Variants in RBFOX1 observed in about 807,000 individuals in gnomAD.
RBFOX1 encodes the protein RNA binding fox-1 homolog 1, also known as RNA binding protein fox-1 homolog 1.
RBFOX1 carries 8 observed loss-of-function variants against 57.7 expected under a neutral mutation model. That is an observed-to-expected ratio of 0.14 (90% confidence interval 0.08 to 0.25). The LOEUF is 0.25. RBFOX1 is among the 10% of genes least tolerant of loss of function. The pLI, the probability that RBFOX1 is intolerant of heterozygous loss-of-function variation, is 1.00. For synonymous variants in RBFOX1, 326 were observed against 222.4 expected (o/e 1.47, Z -4.15); for missense variants, 611 against 548.5 (o/e 1.11, Z -1.14).
chr16:6,476,039 T>C (rs957058798), intron 2 of RBFOX1, among the ~76,000 whole-genome samples: 2 of 152,166 alleles, frequency 1.3e-5, no homozygotes, highest in African/African-American at 4.8e-5. Flanking sequence ...GAAGGTTTTA[T>C]CATCCAGCGT....
chr16:6,362,957 A>T (rs1373789876), intron 2 of RBFOX1, among the ~76,000 whole-genome samples: 1 of 152,172 alleles, frequency 6.6e-6, no homozygotes, highest in Middle Eastern at 3.2e-3. Flanking sequence ...AAAAGGTTGT[A>T]CAGCCTGCCA....
chr16:5,540,263 T>G (rs928493076), intron 2 of RBFOX1, among the ~76,000 whole-genome samples: 4 of 152,208 alleles, frequency 2.6e-5, no homozygotes, highest in Non-Finnish European at 5.9e-5. Context: ...TTGCAGGGTC[T>G]TAATAGGTAT....
At chr16:7,554,711 T>C (rs979826663) in intron 5 of RBFOX1, among the ~76,000 whole-genome samples, 5 of 152,224 alleles carry the variant, frequency 3.3e-5, no homozygotes, top group South Asian at 2.1e-4. Context: ...CTATTCCCAA[T>C]TTGGAAAAAA....
intron 1 of RBFOX1, among the ~76,000 whole-genome samples, chr16:5,268,399 G>A (rs1470193414): frequency 6.6e-6 from 1 of 152,214 alleles, no homozygotes; most frequent in South Asian, 2.1e-4. Context: ...AACAAGTACA[G>A]GAAAGTCAGT....
At chr16:5,583,424 T>C (rs1295598336) in intron 2 of RBFOX1, among the ~76,000 whole-genome samples, 2 of 152,212 alleles carry the variant, frequency 1.3e-5, no homozygotes, top group African/African-American at 4.8e-5. Flanking sequence ...GTGTTCAAAC[T>C]GCGTTCAAAT....
At chr16:7,269,264 C>G (rs1209688466) in intron 4 of RBFOX1, among the ~76,000 whole-genome samples, 4 of 152,110 alleles carry the variant, frequency 2.6e-5, no homozygotes, top group Admixed American at 6.5e-5. Flanking sequence ...GACACATACA[C>G]ACACCTACAC....
chr16:6,216,512 G>T (rs1164075422), intron 1 of RBFOX1, among the ~76,000 whole-genome samples: 1 of 152,148 alleles, frequency 6.6e-6, no homozygotes, highest in Admixed American at 6.5e-5. Flanking sequence ...TATTTGGCTT[G>T]ATTTTGTTGT....
intron 3 of RBFOX1, among the ~76,000 whole-genome samples, chr16:6,684,022 A>G (rs1418204327): frequency 6.6e-6 from 1 of 152,184 alleles, no homozygotes; most frequent in Non-Finnish European, 1.5e-5. Context: ...TGAATGGTCC[A>G]CAGTGTGAAC....
At chr16:5,352,199 G>C (rs2065276879) in intron 1 of RBFOX1, among the ~76,000 whole-genome samples, 1 of 152,108 alleles carries the variant, frequency 6.6e-6, no homozygotes, top group South Asian at 2.1e-4. Flanking sequence ...CCTCTCATGT[G>C]CTCCTCCGAA....
intron 3 of RBFOX1, among the ~76,000 whole-genome samples, chr16:6,903,983 C>G (rs1596687846): frequency 6.6e-6 from 1 of 152,058 alleles, no homozygotes; most frequent in South Asian, 2.1e-4. Flanking sequence ...GTTCACATCC[C>G]AGGGAGTGAC....
chr16:6,518,572 A>G (rs980640759), intron 2 of RBFOX1, among the ~76,000 whole-genome samples: 1 of 152,132 alleles, frequency 6.6e-6, no homozygotes, highest in Non-Finnish European at 1.5e-5. Flanking sequence ...GTGCTGGGAA[A>G]ACATCCTGGG....
intron 4 of RBFOX1, among the ~76,000 whole-genome samples, chr16:7,497,374 C>A (rs750327185): frequency 6.6e-6 from 1 of 152,170 alleles, no homozygotes; most frequent in Non-Finnish European, 1.5e-5. Flanking sequence ...CCTCAAGATT[C>A]CTCTCAACTG....
At chr16:7,393,922 G>T (rs914809414) in intron 4 of RBFOX1, among the ~76,000 whole-genome samples, 3 of 151,982 alleles carry the variant, frequency 2.0e-5, no homozygotes, top group African/African-American at 4.8e-5. Flanking sequence ...AGGGAGGATG[G>T]CTGAGGCACC....
In RBFOX1 at chr16:7,579,927, A is replaced by G. The variant is rs930232306; in HGVS notation, c.414+7A>G. 6.2e-7 allele frequency: 1 copy of G among 1,613,788 alleles called. No homozygotes were observed. The highest frequency in any genetic ancestry group is 1.7e-5 in the Admixed American group (1 of 59,978). On this transcript the variant is annotated splice_region_variant and intron_variant, in intron 6 of 15. Coordinates refer to ENST00000550418, the MANE Select transcript of RBFOX1 (RefSeq NM_018723.4). ...CCTCAGACAAATGTTTGGTGTAAGT[A>G]TCACCTTTCTTCCCAGCAGTGCCCG...
intron 3 of RBFOX1, among the ~76,000 whole-genome samples, chr16:5,718,688 C>T (rs1193689764): frequency 6.6e-6 from 1 of 152,090 alleles, no homozygotes; most frequent in African/African-American, 2.4e-5. Flanking sequence ...AGGTGGATCA[C>T]CTGAAGTCAG....
chr16:6,059,890 G>T (rs1596819521), intron 1 of RBFOX1, among the ~76,000 whole-genome samples: 1 of 151,898 alleles, frequency 6.6e-6, no homozygotes, highest in Non-Finnish European at 1.5e-5. Flanking sequence ...CTTGATGAGA[G>T]AATAAAGGAT....
intron 3 of RBFOX1, among the ~76,000 whole-genome samples, chr16:5,793,136 C>A (rs573828395): frequency 1.9e-4 from 29 of 152,292 alleles, no homozygotes; most frequent in Admixed American, 3.3e-4. Flanking sequence ...GTCTCCATGA[C>A]TCCCTTTCTC....
At chr16:7,291,946 T>G (rs1174248753) in intron 4 of RBFOX1, among the ~76,000 whole-genome samples, 1 of 106,510 alleles carries the variant, frequency 9.4e-6, no homozygotes, top group Non-Finnish European at 2.0e-5. Flanking sequence ...TATTATATAT[T>G]ATGTATATAA....
rs548766061 is a variant in RBFOX1, at chr16:7,194,488, G to C, written c.27+142390G>C. 3.9e-5 allele frequency among the ~76,000 whole-genome samples: 6 copies of C among 152,102 alleles called. No individual in the cohort carries two copies. The South Asian group carries it at 6.2e-4, about 16-fold the overall frequency. On this transcript the variant is annotated intron_variant, in intron 4 of 15. Coordinates refer to ENST00000550418, the MANE Select transcript of RBFOX1 (RefSeq NM_018723.4). ...AACGGCTAGAGTTTGGGAAAATCTA[G>C]CTCTTTGGGGCTAAAGATTTCAAAA...
Sources: allele counts gnomAD v4.1 joint callset (sites outside exome capture counted in the v4.1 genomes callset), GRCh38; gene constraint gnomAD v4.1.1; transcripts MANE v1.5; gene names NCBI Gene and HGNC (gene_info 2026-07-23, HGNC 2026-07-21).